Variants in TBCA observed in about 807,000 individuals in gnomAD.
TBCA encodes tubulin folding cofactor A.
Under a neutral mutation model 15.8 loss-of-function variants are expected in TBCA, and 6 were observed. That is an observed-to-expected ratio of 0.38 (90% CI 0.21 to 0.75). TBCA has a LOEUF of 0.75. Ranked by LOEUF, TBCA falls within the 30% of genes least tolerant of loss-of-function variation. The pLI is 0.46. For missense variants in TBCA, 90 were observed against 131.2 expected, an observed-to-expected ratio of 0.69 and a Z score of 1.53; for synonymous variants, 32 against 42.3, an observed-to-expected ratio of 0.76 and a Z score of 0.94.
At chr5:77,715,874 T>C (rs1746388819) in intron 1 of TBCA, among the ~76,000 whole-genome samples, 1 of 152,188 alleles carries the variant, frequency 6.6e-6, no homozygotes. Context: ...TTGGAGCCTC[T>C]AGTATAATTT....
At chr5:77,723,986 A>T (rs545060138) in intron 1 of TBCA, among the ~76,000 whole-genome samples, 2 of 152,048 alleles carry the variant, frequency 1.3e-5, no homozygotes, top group African/African-American at 4.8e-5. Flanking sequence ...AGTTACCCAT[A>T]TGATTTGAAA....
At chr5:77,756,126 CCG>C (rs1747471155) in intron 1 of TBCA, among the ~76,000 whole-genome samples, 1 of 152,120 alleles carries the variant, frequency 6.6e-6, no homozygotes, top group Non-Finnish European at 1.5e-5. Context: ...AGGAACCAGA[CCG>C]CAGCCTAGGA....
chr5:77,733,144 C>T (rs1580115966), intron 1 of TBCA, among the ~76,000 whole-genome samples: 1 of 152,054 alleles, frequency 6.6e-6, no homozygotes, highest in Non-Finnish European at 1.5e-5. Flanking sequence ...ATCCAGACAT[C>T]GTGGCACATG....
chr5:77,749,752 CA>C (rs777185137), intron 1 of TBCA, among the ~76,000 whole-genome samples: 4 of 152,104 alleles, frequency 2.6e-5, no homozygotes, highest in Non-Finnish European at 4.4e-5. Context: ...TGTAAAGCAA[CA>C]AACAAGGAAA....
At chr5:77,733,632 G>T (rs1746826704) in intron 1 of TBCA, among the ~76,000 whole-genome samples, 1 of 152,190 alleles carries the variant, frequency 6.6e-6, no homozygotes, top group African/African-American at 2.4e-5. Context: ...AGCTAGCAGA[G>T]ATTGGTTCAT....
At chr5:77,718,835 A>C (rs1746465401) in intron 1 of TBCA, among the ~76,000 whole-genome samples, 1 of 152,132 alleles carries the variant, frequency 6.6e-6, no homozygotes. Context: ...TCCTCTCCTC[A>C]TCCTCTCCCA....
chr5:77,744,012 G>A (rs947853393), intron 1 of TBCA, among the ~76,000 whole-genome samples: 2 of 152,094 alleles, frequency 1.3e-5, no homozygotes, highest in Non-Finnish European at 2.9e-5. Flanking sequence ...ATATACAACT[G>A]AGTCCCAATT....
chr5:77,723,229 C>G (rs1185237991), intron 1 of TBCA, among the ~76,000 whole-genome samples: 1 of 151,496 alleles, frequency 6.6e-6, no homozygotes, highest in African/African-American at 2.4e-5. Flanking sequence ...TAATAAATGT[C>G]CAATGGTCCT....
At chr5:77,725,437 T>C (rs1746611524) in intron 1 of TBCA, among the ~76,000 whole-genome samples, 1 of 152,326 alleles carries the variant, frequency 6.6e-6, no homozygotes, top group Non-Finnish European at 1.5e-5. Context: ...TTGATAAATT[T>C]TGATTATTTA....
At chr5:77,714,025 T>C (rs1464455498) in intron 1 of TBCA, among the ~76,000 whole-genome samples, 3 of 149,606 alleles carry the variant, frequency 2.0e-5, no homozygotes, top group African/African-American at 7.3e-5. Flanking sequence ...AAAAACCCCA[T>C]CTATGTACAT....
chr5:77,774,384 C>T (rs893807406), intron 1 of TBCA, among the ~76,000 whole-genome samples: 21 of 152,204 alleles, frequency 1.4e-4, no homozygotes, highest in African/African-American at 5.1e-4. Flanking sequence ...AGTCTGGGAC[C>T]TTTTTAAGTC....
rs1247687132 is a variant in TBCA, at chr5:77,760,922, TC to T, written c.53+15282del. Among the ~76,000 whole-genome samples the T allele has an allele frequency of 2.1e-5, 3 of 143,342 alleles. No individual in the cohort carries two copies. In the East Asian group the frequency reaches 6.3e-4, roughly 30 times the overall value. The allele number at this position is 143,342 out of a possible 152,430, so 94.0% of individuals were successfully genotyped here. On this transcript the variant is annotated intron_variant, in intron 1 of 3. Transcript: ENST00000380377. ...AGGAGCCCCTCTGCCTGGCCACCCA[TC>T]GTCTGGGAAGGGAGGAGCACCTCTG...
chr5:77,725,754 T>C (rs1284835780), intron 1 of TBCA, among the ~76,000 whole-genome samples: 1 of 152,188 alleles, frequency 6.6e-6, no homozygotes, highest in Non-Finnish European at 1.5e-5. Context: ...TATCCTTCCA[T>C]CAGGCATCTT....
intron 1 of TBCA, among the ~76,000 whole-genome samples, chr5:77,709,460 C>T (rs1746225354): frequency 6.6e-6 from 1 of 152,020 alleles, no homozygotes; most frequent in Admixed American, 6.5e-5. Flanking sequence ...CCTATATACA[C>T]AGTATCTAAA....
chr5:77,755,931 G>T (rs1452401237), intron 1 of TBCA, among the ~76,000 whole-genome samples: 1 of 152,160 alleles, frequency 6.6e-6, no homozygotes, highest in East Asian at 1.9e-4. Context: ...TCGAACCCGG[G>T]AGGCGGAGGT....
chr5:77,699,427 C>A (rs987474722), intron 2 of TBCA, among the ~76,000 whole-genome samples: 1 of 152,082 alleles, frequency 6.6e-6, no homozygotes, highest in African/African-American at 2.4e-5. Context: ...CAAAAGTAAA[C>A]CCACACAAAT....
chr5:77,715,168 C>T (rs1286636587), intron 1 of TBCA: 3 of 685,836 alleles, frequency 4.4e-6, no homozygotes, highest in South Asian at 3.1e-5. Context: ...AAGTTATAGG[C>T]CAAGGGATCT....
Position 77,693,301 on chromosome 5 carries a change from A to G in TBCA, c.211T>C (p.Leu71=). The change falls in exon 3 of 4, where the codon TTG becomes CTG. Residue 71 remains leucine, a synonymous_variant. Coordinates refer to ENST00000380377, the MANE Select transcript of TBCA (RefSeq NM_004607.3). The part of the protein sequence containing the change: ...RMMIPDCQRR[L]EAAYLDLQRI... ...TGAAGATCCAAATATGCGGCTTCCA[A>G]CCTGCGCTGGCAATCTGGGATCATC... 6.2e-7 allele frequency: 1 copy of G among 1,613,974 alleles called. No individual in the cohort carries two copies. The highest frequency in any genetic ancestry group is 1.3e-5 in the African/African-American group (1 of 75,054).
intron 1 of TBCA, among the ~76,000 whole-genome samples, chr5:77,773,427 A>G (rs906187401): frequency 2.6e-5 from 4 of 152,086 alleles, no homozygotes; most frequent in Non-Finnish European, 4.4e-5. Context: ...TTTACTACCC[A>G]CTTGCTATTT....
Sources: allele counts gnomAD v4.1 joint callset (sites outside exome capture counted in the v4.1 genomes callset), GRCh38; gene constraint gnomAD v4.1.1; transcripts MANE v1.5; gene names NCBI Gene and HGNC (gene_info 2026-07-23, HGNC 2026-07-21).